Variants in ADAMTSL1 observed in about 807,000 individuals in gnomAD.
ADAMTSL1 encodes ADAMTS-like protein 1.
A neutral mutation model predicts 201.8 loss-of-function variants in ADAMTSL1; 126 were observed. The observed-to-expected ratio is 0.62, with a 90% CI of 0.54 to 0.72. ADAMTSL1 has a LOEUF of 0.72. Among genes scored for constraint, ADAMTSL1 ranks in the 30% least tolerant of loss-of-function variants. The pLI is 0.00. For synonymous variants in ADAMTSL1, 1,121 were observed against 903.4 expected, an observed-to-expected ratio of 1.24 and a Z score of -4.32; for missense variants, 2,679 against 2,277.8, an observed-to-expected ratio of 1.18 and a Z score of -3.59.
rs371840092 is a variant in ADAMTSL1, at chr9:18,645,073, T to C, written c.834+5662T>C. 1.1e-4 allele frequency among the ~76,000 whole-genome samples: 16 copies of C among 152,212 alleles called. No homozygotes were observed. The East Asian group carries it at 1.9e-3, about 18-fold the overall frequency. On this transcript the variant is annotated intron_variant, in intron 7 of 28. Transcript: ENST00000380548. ...TGTTGTTTCCTGACTTTTTAATGAT[T>C]GCCATTCTACCTGGTGTGAGATGGT...
chr9:18,812,967 CT>C (rs35159482), intron 20 of ADAMTSL1, among the ~76,000 whole-genome samples: 46,480 of 118,284 alleles, frequency 0.39, 7,295 homozygotes, highest in African/African-American at 0.48. Flanking sequence ...CAGCTATGTA[CT>C]TTTTTTTTTT....
At chr9:18,803,149 T>C (rs1822905870) in intron 20 of ADAMTSL1, among the ~76,000 whole-genome samples, 1 of 152,232 alleles carries the variant, frequency 6.6e-6, no homozygotes, top group African/African-American at 2.4e-5. Context: ...TAATACAGTC[T>C]CATCAAGATG....
intron 14 of ADAMTSL1, chr9:18,718,394 T>C (rs1564178144): frequency 2.9e-6 from 2 of 698,602 alleles, no homozygotes; most frequent in Non-Finnish European, 5.4e-6. Context: ...GTGCATCTAC[T>C]TCAACTTGCT....
intron 1 of ADAMTSL1, among the ~76,000 whole-genome samples, chr9:18,054,305 G>A (rs1822072404): frequency 1.3e-5 from 2 of 152,182 alleles, no homozygotes; most frequent in South Asian, 2.1e-4. Context: ...TTGAATTACA[G>A]CTTTTCAATT....
intron 2 of ADAMTSL1, among the ~76,000 whole-genome samples, chr9:18,421,363 T>C (rs1818939667): frequency 6.6e-6 from 1 of 152,112 alleles, no homozygotes; most frequent in Non-Finnish European, 1.5e-5. Flanking sequence ...TTCTTACAAG[T>C]TATTATCATT....
chr9:18,871,401 A>T (rs1398851237), intron 23 of ADAMTSL1, among the ~76,000 whole-genome samples: 1 of 151,928 alleles, frequency 6.6e-6, no homozygotes, highest in African/African-American at 2.4e-5. Flanking sequence ...GGCTCCTTTG[A>T]TATCTCTTCT....
intron 1 of ADAMTSL1, among the ~76,000 whole-genome samples, chr9:18,046,995 T>C (rs1025459518): frequency 1.3e-5 from 2 of 152,096 alleles, no homozygotes; most frequent in African/African-American, 4.8e-5. Flanking sequence ...GGAGTTCAGA[T>C]GCATTGTAAT....
At chr9:18,260,214 C>T (rs1303987312) in intron 2 of ADAMTSL1, among the ~76,000 whole-genome samples, 1 of 152,184 alleles carries the variant, frequency 6.6e-6, no homozygotes, top group Non-Finnish European at 1.5e-5. Context: ...CCAATTAAAG[C>T]CCCCTGCTGA....
intron 1 of ADAMTSL1, among the ~76,000 whole-genome samples, chr9:18,163,054 G>T (rs1827466810): frequency 6.6e-6 from 1 of 152,004 alleles, no homozygotes; most frequent in Admixed American, 6.6e-5. Flanking sequence ...TGGGTGAACT[G>T]ATTATACCTT....
chr9:18,702,869 T>C (rs1832001911), intron 13 of ADAMTSL1, among the ~76,000 whole-genome samples: 1 of 151,942 alleles, frequency 6.6e-6, no homozygotes, highest in Non-Finnish European at 1.5e-5. Flanking sequence ...CCCAAGCAAT[T>C]CTCCTGCCTC....
intron 2 of ADAMTSL1, among the ~76,000 whole-genome samples, chr9:18,259,523 A>T (rs1257676572): frequency 6.6e-6 from 1 of 151,968 alleles, no homozygotes; most frequent in Non-Finnish European, 1.5e-5. Flanking sequence ...AAAAAAAAAA[A>T]AATACATATA....
chr9:18,627,510 A>G (rs959165444), intron 5 of ADAMTSL1, among the ~76,000 whole-genome samples: 4 of 152,204 alleles, frequency 2.6e-5, no homozygotes, highest in African/African-American at 7.2e-5. Flanking sequence ...TGGGCTAAAA[A>G]CAAGGTGTTT....
intron 2 of ADAMTSL1, among the ~76,000 whole-genome samples, chr9:18,307,491 G>A (rs1216959643): frequency 6.6e-6 from 1 of 151,974 alleles, no homozygotes; most frequent in African/African-American, 2.4e-5. Flanking sequence ...ATAAAAGGAT[G>A]GAGGAATATT....
intron 1 of ADAMTSL1, among the ~76,000 whole-genome samples, chr9:17,945,154 A>G (rs1827406627): frequency 7.3e-6 from 1 of 136,062 alleles, no homozygotes; most frequent in African/African-American, 2.8e-5. Context: ...AAGTGGGCAA[A>G]GGACATGAAC....
intron 2 of ADAMTSL1, among the ~76,000 whole-genome samples, chr9:18,242,865 G>C (rs374644788): frequency 1.6e-4 from 24 of 152,070 alleles, no homozygotes; most frequent in African/African-American, 5.3e-4. Context: ...TTAATGGATT[G>C]ATATCTCATG....
intron 1 of ADAMTSL1, among the ~76,000 whole-genome samples, chr9:18,475,278 CA>C (rs1385779867): frequency 2.0e-5 from 3 of 152,130 alleles, no homozygotes; most frequent in Non-Finnish European, 4.4e-5. Context: ...AAAAATGTAG[CA>C]AATGAATAGG....
At chr9:18,660,592 A>T (rs1829021869) in intron 8 of ADAMTSL1, among the ~76,000 whole-genome samples, 1 of 152,180 alleles carries the variant, frequency 6.6e-6, no homozygotes, top group Non-Finnish European at 1.5e-5. Flanking sequence ...CTGTGTAGAA[A>T]TTATTATCTG....
At chr9:18,860,604 A>C (rs1827152736) in intron 23 of ADAMTSL1, among the ~76,000 whole-genome samples, 1 of 152,154 alleles carries the variant, frequency 6.6e-6, no homozygotes, top group Non-Finnish European at 1.5e-5. Flanking sequence ...TTTTGACAAG[A>C]GTGAAGAGTC....
intron 1 of ADAMTSL1, among the ~76,000 whole-genome samples, chr9:18,487,431 A>T (rs1448851337): frequency 6.6e-6 from 1 of 152,214 alleles, no homozygotes; most frequent in East Asian, 1.9e-4. Flanking sequence ...GTTTTAAATC[A>T]CATGGTCCTT....
Sources: gnomAD v4.1 joint callset for allele counts (sites outside exome capture counted in the v4.1 genomes callset) on GRCh38, gnomAD v4.1.1 for gene constraint, MANE v1.5 for transcripts, NCBI Gene and HGNC (gene_info 2026-07-23, HGNC 2026-07-21) for gene names.